Variants in ITGA1 observed in about 807,000 individuals in gnomAD.
ITGA1 encodes integrin subunit alpha 1.
A neutral mutation model predicts 145.9 loss-of-function variants in ITGA1; 85 were observed. The observed-to-expected ratio is 0.58, with a 90% CI of 0.49 to 0.70. The LOEUF (loss-of-function observed/expected upper bound fraction) is 0.70. Ranked by LOEUF, ITGA1 falls within the 30% of genes least tolerant of loss-of-function variation. The probability of loss-of-function intolerance (pLI) is 0.00; values close to 1 mark genes in which losing one functional copy is unlikely to be tolerated. For synonymous variants in ITGA1, 520 were observed against 495.3 expected, an observed-to-expected ratio of 1.05 and a Z score of -0.66; for missense variants, 1,351 against 1,418.7, an observed-to-expected ratio of 0.95 and a Z score of 0.77.
Position 52,788,296 on chromosome 5 carries a change from G to A in ITGA1, c.-58G>A, listed in dbSNP as rs1748164332. 7.4e-7 allele frequency: 1 copy of A among 1,352,466 alleles called. No individual in the cohort carries two copies. Among genetic ancestry groups the A allele is most frequent in the South Asian group, 1.5e-5 (1 of 66,450 alleles). 83.8% of individuals were successfully genotyped at this position (1,352,466 alleles called of 1,614,324 possible). ...GGCCCAGCCAGAGAGCGCAGCTCCC[G>A]CGCCCGGTCCTGCCCTGCGAACCAG... On this transcript the variant is annotated 5_prime_UTR_variant, in exon 1 of 29. Coordinates refer to ENST00000282588, the MANE Select transcript of ITGA1 (RefSeq NM_181501.2).
intron 1 of ITGA1, chr5:52,801,815 G>A (rs1748494596): frequency 6.2e-7 from 1 of 1,610,710 alleles, no homozygotes; most frequent in Non-Finnish European, 8.5e-7. Context: ...GACCAAGAGG[G>A]TGATTCCAGT....
At chr5:52,865,857 T>C in intron 6 of ITGA1, 40 bp downstream of exon 6, 1 of 1,503,278 alleles carries the variant, frequency 6.7e-7, no homozygotes, top group Non-Finnish European at 8.9e-7. Context: ...GTTCTAAAGA[T>C]AAAAATGCAC....
intron 23 of ITGA1, among the ~76,000 whole-genome samples, chr5:52,934,940 T>G (rs16880533): frequency 6.6e-6 from 1 of 151,566 alleles, no homozygotes; most frequent in African/African-American, 2.4e-5. Context: ...TGCCAATCAC[T>G]CTACTGGATT....
At chr5:52,871,744 A>C (rs995695008) in intron 6 of ITGA1, among the ~76,000 whole-genome samples, 1 of 152,228 alleles carries the variant, frequency 6.6e-6, no homozygotes, top group African/African-American at 2.4e-5. Context: ...AGTTACTCAA[A>C]ATCCATTCTA....
chr5:52,870,832 T>C (rs1016398901), intron 6 of ITGA1, among the ~76,000 whole-genome samples: 1 of 152,210 alleles, frequency 6.6e-6, no homozygotes, highest in African/African-American at 2.4e-5. Context: ...TCTTAGGAAC[T>C]GAGGCAGTGG....
intron 2 of ITGA1, 141 bp from the exon 3 acceptor site, chr5:52,861,306 A>G (rs1749597028): frequency 1.6e-6 from 1 of 621,722 alleles, no homozygotes; most frequent in African/African-American, 1.8e-5. Flanking sequence ...TGCTTAGTTT[A>G]CATAACATTA....
At chr5:52,792,556 T>A (rs1580019809) in intron 1 of ITGA1, among the ~76,000 whole-genome samples, 2 of 152,194 alleles carry the variant, frequency 1.3e-5, no homozygotes, top group Admixed American at 1.3e-4. Flanking sequence ...CCACAGCTTA[T>A]CACTGATGTT....
intron 6 of ITGA1, 116 bp from the exon 7 acceptor site, chr5:52,881,757 T>C: frequency 1.2e-6 from 1 of 840,652 alleles, no homozygotes; most frequent in Non-Finnish European, 1.8e-6. Flanking sequence ...ATTTGTGTAC[T>C]GATAGGTTTG....
intron 1 of ITGA1, among the ~76,000 whole-genome samples, chr5:52,826,535 G>A (rs143383954): frequency 3.9e-5 from 6 of 152,354 alleles, no homozygotes; most frequent in Non-Finnish European, 8.8e-5. Context: ...TCTAGTGCAA[G>A]AAGGTGCCAT....
Position 52,865,083 on chromosome 5 carries a change from G to T in ITGA1, c.496+1G>T. 2 of 1,601,796 alleles carry T rather than the reference G, an allele frequency of 1.2e-6. No homozygotes were observed. The highest frequency in any genetic ancestry group is 1.7e-6 in the Non-Finnish European group (2 of 1,170,438). On this transcript the variant is annotated splice_donor_variant, in intron 5 of 28. Transcript: ENST00000282588. LOFTEE classifies it high-confidence loss of function. ...GTGAATTCCATTGCCCCTGTACAAGGTACAGATTTTATGCAATGTTCTTGC... is the reference window on the plus strand; with the variant it reads ...GTGAATTCCATTGCCCCTGTACAAGTTACAGATTTTATGCAATGTTCTTGC...
intron 1 of ITGA1, among the ~76,000 whole-genome samples, chr5:52,834,583 AAG>A (rs1215796430): frequency 0.041 from 4,476 of 109,522 alleles, 261 homozygotes; most frequent in African/African-American, 0.12. Flanking sequence ...GAAAGAAAGA[AAG>A]AGAGAGAGAG....
chr5:52,945,948 C>T (rs1751128028), intron 27 of ITGA1, among the ~76,000 whole-genome samples: 1 of 152,188 alleles, frequency 6.6e-6, no homozygotes, highest in African/African-American at 2.4e-5. Context: ...GAATAGCCAA[C>T]ATTTCACTAA....
intron 11 of ITGA1, among the ~76,000 whole-genome samples, chr5:52,898,935 C>A (rs1332420154): frequency 6.6e-6 from 1 of 152,048 alleles, no homozygotes; most frequent in Non-Finnish European, 1.5e-5. Flanking sequence ...AGTGTCTTGC[C>A]AGAAATGAGG....
rs139065570 is a variant in ITGA1 at position 52,939,913 on chromosome 5, C to T, written c.3254C>T (p.Ser1085Leu). 1.0e-3 allele frequency: 1,650 copies of T among 1,612,598 alleles called. 2 individuals carry two copies. Among genetic ancestry groups the T allele is most frequent in the Non-Finnish European group, 1.3e-3 (1,518 of 1,178,682 alleles). The change falls in exon 26 of 29, where the codon TCG becomes TTG. Residue 1085 changes from serine (S) to leucine (L), a missense_variant. Coordinates refer to ENST00000282588, the MANE Select transcript of ITGA1 (RefSeq NM_181501.2). ...TCTGACATCAGCCAAGTCAATGTTT[C>T]GCTTATCTTGTGGAAACCAACTTTT... ...TSSDISQVNVSLILWKPTFIK... is the reference protein window; with the variant it reads ...TSSDISQVNVLLILWKPTFIK...
intron 1 of ITGA1, among the ~76,000 whole-genome samples, chr5:52,828,681 A>G (rs1404621026): frequency 6.6e-6 from 1 of 152,168 alleles, no homozygotes; most frequent in African/African-American, 2.4e-5. Flanking sequence ...TCTTGAATGT[A>G]TTAGTTTCCT....
intron 1 of ITGA1, among the ~76,000 whole-genome samples, chr5:52,837,893 T>C (rs1241737377): frequency 6.6e-6 from 1 of 152,216 alleles, no homozygotes; most frequent in Non-Finnish European, 1.5e-5. Context: ...CAAAAAGTTA[T>C]CTCTTTCCTC....
chr5:52,942,876 C>T (rs987083631), intron 26 of ITGA1, among the ~76,000 whole-genome samples: 3 of 152,074 alleles, frequency 2.0e-5, no homozygotes, highest in South Asian at 4.1e-4. Flanking sequence ...TCACCTTGAA[C>T]ATTATTGGTG....
Position 52,937,517 on chromosome 5 carries a change from A to G in ITGA1, c.3078+3A>G. ...CAACTGGATTGTCATCTTCTGAGGT[A>G]AGTCATGTGTGCCTTGGAATTATGT... is the stretch of plus-strand genomic sequence containing the variant. On this transcript the variant is annotated splice_donor_region_variant and intron_variant, in intron 24 of 28. Coordinates refer to ENST00000282588, the MANE Select transcript of ITGA1 (RefSeq NM_181501.2). 1 of 1,539,598 alleles carries G rather than the reference A, an allele frequency of 6.5e-7. No individual in the cohort carries two copies. The highest frequency in any genetic ancestry group is 1.1e-5 in the South Asian group (1 of 89,286).
intron 24 of ITGA1, 111 bp from the exon 25 acceptor site, chr5:52,939,479 C>T (rs2111899852): frequency 1.4e-6 from 1 of 704,568 alleles, no homozygotes. Flanking sequence ...AGATGGATCT[C>T]TAATATATGG....
Sources: gnomAD v4.1 joint callset for allele counts (sites outside exome capture counted in the v4.1 genomes callset) on GRCh38, gnomAD v4.1.1 for gene constraint, MANE v1.5 for transcripts, NCBI Gene and HGNC (gene_info 2026-07-23, HGNC 2026-07-21) for gene names.